Variants in CEP112 observed in about 807,000 individuals in gnomAD.
The protein encoded by CEP112 is centrosomal protein 112.
In CEP112, 127 loss-of-function variants were observed where a neutral mutation model predicts 153.0. The ratio of observed to expected loss-of-function variants is 0.83; its 90% confidence interval spans 0.72 to 0.96. The LOEUF (loss-of-function observed/expected upper bound fraction) is 0.96. CEP112 is among the 40% of genes least tolerant of loss of function. The probability of loss-of-function intolerance (pLI) is 0.00; values close to 1 mark genes in which losing one functional copy is unlikely to be tolerated. For synonymous variants in CEP112, 358 were observed against 374.4 expected (o/e 0.96, Z 0.51); for missense variants, 1,089 against 1,101.2 (o/e 0.99, Z 0.16).
chr17:66,149,253 C>G lies in CEP112; in HGVS notation c.471-16490G>C, dbSNP rs998053607. On this transcript the variant is annotated intron_variant, in intron 4 of 26. Transcript: ENST00000535342. ...TCAGTTTACAAGTATTTTCCTGAGG[C>G]CTTTGCAGCAAATATTTGTCAGGAT... Among the ~76,000 whole-genome samples, 4 of 152,138 alleles carry G rather than the reference C, an allele frequency of 2.6e-5. 1 individual carries two copies. Among genetic ancestry groups the G allele is most frequent in the African/African-American group, 7.2e-5 (3 of 41,434 alleles).
chr17:66,023,768 GA>G (rs888819573), intron 16 of CEP112, among the ~76,000 whole-genome samples: 1 of 151,828 alleles, frequency 6.6e-6, no homozygotes, highest in African/African-American at 2.4e-5. Flanking sequence ...ATTATAACAA[GA>G]AAAAAACTCA....
At chr17:66,006,252 T>C (rs767075437) in intron 16 of CEP112, among the ~76,000 whole-genome samples, 2 of 152,094 alleles carry the variant, frequency 1.3e-5, no homozygotes, top group Non-Finnish European at 2.9e-5. Context: ...TGCCTACCTC[T>C]TTCCTAAATG....
At chr17:66,173,042 C>T (rs901851974) in intron 4 of CEP112, among the ~76,000 whole-genome samples, 2 of 152,196 alleles carry the variant, frequency 1.3e-5, no homozygotes, top group African/African-American at 4.8e-5. Context: ...CACAGACGCA[C>T]AGGCTGTGCC....
intron 21 of CEP112, among the ~76,000 whole-genome samples, chr17:65,766,127 T>G (rs1458517827): frequency 7.0e-6 from 1 of 143,430 alleles, no homozygotes; most frequent in Non-Finnish European, 1.5e-5. Flanking sequence ...ATGATCTGAA[T>G]GAGAAATTCA....
chr17:65,675,694 T>C (rs1351344145), intron 24 of CEP112, among the ~76,000 whole-genome samples: 2 of 151,792 alleles, frequency 1.3e-5, no homozygotes, highest in African/African-American at 2.4e-5. Context: ...AAACAAAATA[T>C]TAGTAGACCA....
chr17:65,825,889 C>T (rs2056816858), intron 21 of CEP112, among the ~76,000 whole-genome samples: 1 of 152,178 alleles, frequency 6.6e-6, no homozygotes, highest in Non-Finnish European at 1.5e-5. Flanking sequence ...CCAGAAAGTT[C>T]TGCCAGATTC....
intron 23 of CEP112, among the ~76,000 whole-genome samples, chr17:65,701,586 C>T (rs1196120131): frequency 1.3e-5 from 2 of 152,302 alleles, no homozygotes; most frequent in East Asian, 3.9e-4. Context: ...CTAGGGCTTG[C>T]CTAGTGACGA....
rs80259789 is a variant in CEP112, at chr17:65,892,481, A to C, written c.2163+9671T>G. On this transcript the variant is annotated intron_variant, in intron 20 of 26. Transcript: ENST00000535342. ...ACTACTCTTGTTCCTGAATTGAATA[A>C]TGTTTTTACGAAACACCAACATTAT... Among the ~76,000 whole-genome samples the C allele has an allele frequency of 1.1e-4, 17 of 152,226 alleles. No individual in the cohort carries two copies. The East Asian group carries it at 2.9e-3, about 26-fold the overall frequency.
At chr17:65,913,725 C>T in intron 19 of CEP112, 12 of 985,474 alleles carry the variant, frequency 1.2e-5, no homozygotes, top group Non-Finnish European at 1.3e-5. Context: ...CTCCAGCCAA[C>T]CATCAACAGC....
chr17:66,029,145 T>A lies in CEP112; in HGVS notation c.1481A>T (p.Glu494Val). 6.2e-7 allele frequency: 1 copy of A among 1,603,704 alleles called. No homozygotes were observed. The highest frequency in any genetic ancestry group is 8.5e-7 in the Non-Finnish European group (1 of 1,172,410). ...TACCTTAGAAGCTGAAAGAGCATGT[T>A]CTTGTTTTAGAAGGTTTATATCAGC... ...YDADINLLKQ[E>V]HALSASKASS... Residue 494 changes from glutamate (E) to valine (V), a missense_variant, in exon 14 of 27, where the codon GAA becomes GTA. Coordinates refer to ENST00000535342, the MANE Select transcript of CEP112 (RefSeq NM_001199165.4).
chr17:65,953,471 G>A (rs72831504), intron 18 of CEP112, among the ~76,000 whole-genome samples: 414 of 152,300 alleles, frequency 2.7e-3, no homozygotes, highest in Admixed American at 5.8e-3. Context: ...GAAAGAACTG[G>A]ATCACATCAC....
At chr17:65,713,448 A>C (rs2049310194) in intron 23 of CEP112, among the ~76,000 whole-genome samples, 1 of 152,232 alleles carries the variant, frequency 6.6e-6, no homozygotes, top group South Asian at 2.1e-4. Context: ...AGCTGTACCA[A>C]AGTGTTGTGC....
chr17:65,782,176 T>A (rs556713176), intron 21 of CEP112, among the ~76,000 whole-genome samples: 1 of 151,808 alleles, frequency 6.6e-6, no homozygotes, highest in Non-Finnish European at 1.5e-5. Context: ...TCATAAAAAA[T>A]GGGCAAAAGA....
rs60618756 is a variant in CEP112, at chr17:66,022,711, G to GGAAAAAAA, written c.1656+4789_1656+4790insTTTTTTTC. On this transcript the variant is annotated intron_variant, in intron 16 of 26. Coordinates refer to ENST00000535342, the MANE Select transcript of CEP112 (RefSeq NM_001199165.4). ...ATGACAGAACGAGACTCCGCCTCAA[G>GGAAAAAAA]AAAAAAAAAAAAAAAAAGAAATGCC... is the stretch of plus-strand genomic sequence containing the variant. Among the ~76,000 whole-genome samples, 55 of 126,546 alleles carry GGAAAAAAA rather than the reference G, an allele frequency of 4.3e-4. 8 individuals carry two copies. Among genetic ancestry groups the GGAAAAAAA allele is most frequent in the Middle Eastern group, 4.3e-3 (1 of 230 alleles). The allele number at this position is 126,546 out of a possible 152,430, so 83.0% of individuals were successfully genotyped here. A position where few individuals can be genotyped will look rare whatever the true frequency, so the allele number is the denominator to read the frequency against.
intron 21 of CEP112, among the ~76,000 whole-genome samples, chr17:65,836,280 T>C (rs1000417220): frequency 6.6e-6 from 1 of 152,320 alleles, no homozygotes. Context: ...CAGTAAACTC[T>C]TTCCTATCAA....
chr17:65,957,438 C>A (rs903691914), intron 18 of CEP112, among the ~76,000 whole-genome samples: 2 of 152,046 alleles, frequency 1.3e-5, no homozygotes, highest in African/African-American at 4.8e-5. Context: ...TTGCCTTTAG[C>A]ATGCAAAAAT....
intron 6 of CEP112, among the ~76,000 whole-genome samples, chr17:66,111,002 A>G (rs2069014415): frequency 6.6e-6 from 1 of 152,204 alleles, no homozygotes; most frequent in Non-Finnish European, 1.5e-5. Context: ...GAACTTAAAC[A>G]AATTTACAAG....
intron 16 of CEP112, among the ~76,000 whole-genome samples, chr17:66,014,870 G>A (rs2064705510): frequency 6.6e-6 from 1 of 152,124 alleles, no homozygotes; most frequent in Non-Finnish European, 1.5e-5. Flanking sequence ...CCCCCTTGGT[G>A]GCAGATATTC....
intron 21 of CEP112, among the ~76,000 whole-genome samples, chr17:65,772,575 T>TACACACAC (rs34758953): frequency 1.2e-3 from 163 of 133,494 alleles, no homozygotes; most frequent in Non-Finnish European, 2.0e-3. Context: ...CTCTATTTAT[T>TACACACAC]ACACACACAC....
Sources: gnomAD v4.1 joint callset for allele counts (sites outside exome capture counted in the v4.1 genomes callset) on GRCh38, gnomAD v4.1.1 for gene constraint, MANE v1.5 for transcripts, NCBI Gene and HGNC (gene_info 2026-07-23, HGNC 2026-07-21) for gene names.